Variants in NUP205 observed in about 807,000 individuals in gnomAD.
NUP205 encodes the protein nuclear pore complex protein Nup205.
NUP205 carries 76 observed loss-of-function variants against 253.8 expected under a neutral mutation model. That is an observed-to-expected ratio of 0.30 (90% CI 0.25 to 0.36). The LOEUF (loss-of-function observed/expected upper bound fraction) is 0.36. Among genes scored for constraint, NUP205 ranks in the 10% least tolerant of loss-of-function variants. The pLI is 1.00. For missense variants in NUP205, 2,162 were observed against 2,425.5 expected, an observed-to-expected ratio of 0.89 and a Z score of 2.28; for synonymous variants, 832 against 850.1, an observed-to-expected ratio of 0.98 and a Z score of 0.37.
intron 30 of NUP205, among the ~76,000 whole-genome samples, chr7:135,622,049 C>T (rs1024001801): frequency 4.0e-5 from 6 of 151,738 alleles, no homozygotes; most frequent in African/African-American, 9.7e-5. Flanking sequence ...AGTGATCCAC[C>T]GCCTCGGCCT....
At chr7:135,567,254 A>AGT (rs1481042012) in intron 1 of NUP205, among the ~76,000 whole-genome samples, 6 of 141,358 alleles carry the variant, frequency 4.2e-5, no homozygotes, top group African/African-American at 7.9e-5. Flanking sequence ...CCACTGGTTT[A>AGT]GTCCGTCCTC....
Position 135,604,197 on chromosome 7 carries a change from A to G in NUP205, c.2703-143A>G, listed in dbSNP as rs935157765. 4.8e-5 allele frequency: 29 copies of G among 608,010 alleles called. 1 individual carries two copies. Among genetic ancestry groups the G allele is most frequent in the South Asian group, 1.9e-4 (9 of 47,158 alleles). 37.7% of individuals were successfully genotyped at this position (608,010 alleles called of 1,614,324 possible). On this transcript the variant is annotated intron_variant, in intron 18 of 42. Transcript: ENST00000285968. Reference sequence around the variant, plus strand: ...ATTCAACCCCTAACAGACTGCATCTATTTAGAAGGGGACAGCTTTTTCTTA... The same window carrying G: ...ATTCAACCCCTAACAGACTGCATCTGTTTAGAAGGGGACAGCTTTTTCTTA...
intron 12 of NUP205, among the ~76,000 whole-genome samples, chr7:135,594,162 T>C (rs997241387): frequency 6.6e-6 from 1 of 152,222 alleles, no homozygotes; most frequent in Non-Finnish European, 1.5e-5. Flanking sequence ...TCTATATTTT[T>C]TTTTGAGAAA....
intron 1 of NUP205, 112 bp downstream of exon 1, chr7:135,558,084 T>C: frequency 1.1e-6 from 1 of 896,994 alleles, no homozygotes. Context: ...GTGCGGTGCC[T>C]GCTTTTCCCT....
In NUP205 at chr7:135,617,178, C is replaced by T. The variant is rs779622987; in HGVS notation, c.3621C>T (p.Ala1207=). ...TGCAGTTGGATTTTTTTGATCGGGCCCAGATTGAACAAGTTATTGCTAACT... is the reference window on the plus strand; with the variant it reads ...TGCAGTTGGATTTTTTTGATCGGGCTCAGATTGAACAAGTTATTGCTAACT... ...EPLQLDFFDR[A]QIEQVIANCE... The change falls in exon 26 of 43, where the codon GCC becomes GCT. Residue 1207 remains alanine (A), a synonymous_variant. Coordinates refer to ENST00000285968, the MANE Select transcript of NUP205 (RefSeq NM_015135.3). 3.1e-6 allele frequency: 5 copies of T among 1,613,560 alleles called. No individual in the cohort carries two copies. Among genetic ancestry groups the T allele is most frequent in the Non-Finnish European group, 4.2e-6 (5 of 1,179,782 alleles).
intron 14 of NUP205, chr7:135,597,737 C>T (rs1793876141): frequency 2.2e-6 from 1 of 457,214 alleles, no homozygotes. Context: ...TCTAATTCTC[C>T]CTCTCTTTTA....
chr7:135,591,706 G>A (rs954060578), intron 11 of NUP205, 106 bp downstream of exon 11: 10 of 964,252 alleles, frequency 1.0e-5, no homozygotes, highest in Non-Finnish European at 1.5e-5. Context: ...TCTACCAGAG[G>A]TATAAATTAT....
chr7:135,567,826 C>T (rs1394643036), intron 1 of NUP205, among the ~76,000 whole-genome samples: 3 of 152,056 alleles, frequency 2.0e-5, no homozygotes, highest in Admixed American at 6.6e-5. Flanking sequence ...TGGTTTTGAC[C>T]AGTTTTTCCT....
chr7:135,645,119 A>T, intron 40 of NUP205, 101 bp downstream of exon 40: 1 of 1,383,710 alleles, frequency 7.2e-7, no homozygotes, highest in South Asian at 1.3e-5. Flanking sequence ...GTGGAAGGAG[A>T]TAAACTTAAT....
At chr7:135,579,486 C>T (rs1243594321) in intron 7 of NUP205, among the ~76,000 whole-genome samples, 2 of 152,156 alleles carry the variant, frequency 1.3e-5, no homozygotes, top group Middle Eastern at 3.4e-3. Context: ...TGAGCCACCC[C>T]GTCCGGCCTT....
At position 135,635,622 on chromosome 7, in the gene NUP205, C is replaced by T. The variant is rs1225368291; in HGVS notation, c.5101C>T (p.Leu1701=). The T allele has an allele frequency of 3.8e-6, 6 of 1,594,998 alleles. No individual in the cohort carries two copies. The highest frequency in any genetic ancestry group is 5.2e-6 in the Non-Finnish European group (6 of 1,164,944). The change falls in exon 36 of 43, where the codon CTA becomes TTA. Residue 1701 remains leucine, a synonymous_variant. Coordinates refer to ENST00000285968, the MANE Select transcript of NUP205 (RefSeq NM_015135.3). The part of the protein sequence containing the change: ...ELDVDVNEGS[L]MELQGHIGRF... ...TGACGTTGATGTAAATGAAGGGTCTCTAATGGAGCTACAGGGACATATTGG... is the reference window on the plus strand; with the variant it reads ...TGACGTTGATGTAAATGAAGGGTCTTTAATGGAGCTACAGGGACATATTGG...
At chr7:135,596,795 C>CA (rs367765752) in intron 13 of NUP205, among the ~76,000 whole-genome samples, 15,063 of 141,486 alleles carry the variant, frequency 0.11, 797 homozygotes, top group Non-Finnish European at 0.14. Flanking sequence ...ACTAAAAATA[C>CA]AAAAAAAAAA....
At position 135,616,727 on chromosome 7, in the gene NUP205, G is replaced by A; in HGVS notation, c.3532+1G>A. 6.6e-7 allele frequency: 1 copy of A among 1,509,086 alleles called. No homozygotes were observed. Among genetic ancestry groups the A allele is most frequent in the Non-Finnish European group, 8.9e-7 (1 of 1,127,260 alleles). The allele number at this position is 1,509,086 out of a possible 1,614,324, so 93.5% of individuals were successfully genotyped here. On this transcript the variant is annotated splice_donor_variant, in intron 25 of 42. Transcript: ENST00000285968. LOFTEE classifies it high-confidence loss of function. ...CTTCACTTTGACACTGCTACAAAAGGTAATGCCCTTTGAATTTGTAATAAA... is the reference window on the plus strand; with the variant it reads ...CTTCACTTTGACACTGCTACAAAAGATAATGCCCTTTGAATTTGTAATAAA...
chr7:135,558,062 G>C (rs1384986298), intron 1 of NUP205, 90 bp downstream of exon 1: 4 of 1,125,766 alleles, frequency 3.6e-6, no homozygotes, highest in Non-Finnish European at 4.1e-6. Context: ...CGGAGTCTAG[G>C]ACCCCACTTA....
chr7:135,597,841 A>C (rs1793877904), intron 14 of NUP205, 157 bp from the exon 15 acceptor site: 3 of 638,662 alleles, frequency 4.7e-6, no homozygotes. Flanking sequence ...GGATTCATAT[A>C]ATACTTTTTT....
In NUP205 at chr7:135,559,330, G is replaced by T. The variant is rs140091473; in HGVS notation, c.28+1358G>T. Among the ~76,000 whole-genome samples the T allele has an allele frequency of 2.0e-3, 308 of 152,194 alleles. 1 individual carries two copies. The highest frequency in any genetic ancestry group is 7.1e-3 in the African/African-American group (293 of 41,534). ...CCCAATTAGATATGCTTAACGTGTGGTTGTATATAATACATTTCTCTATTT... is the reference window on the plus strand; with the variant it reads ...CCCAATTAGATATGCTTAACGTGTGTTTGTATATAATACATTTCTCTATTT... On this transcript the variant is annotated intron_variant, in intron 1 of 42. Transcript: ENST00000285968.
rs1269910363 is a variant in NUP205, at chr7:135,602,866, A to G, written c.2574A>G (p.Gln858=). ...TTGCACTTCTCAATCTTACTCTGCA[A>G]AAGGAAAATCTTTTTATGGACCTTC... ...HCLALLNLTL[Q]KENLFMDLLR... The change falls in exon 18 of 43, where the codon CAA becomes CAG. Residue 858 remains glutamine (Q), a synonymous_variant. Coordinates refer to ENST00000285968, the MANE Select transcript of NUP205 (RefSeq NM_015135.3). 4 of 1,613,948 alleles carry G rather than the reference A, an allele frequency of 2.5e-6. No individual in the cohort carries two copies. Among genetic ancestry groups the G allele is most frequent in the Non-Finnish European group, 3.4e-6 (4 of 1,179,962 alleles).
chr7:135,628,737 T>C (rs1162119120), intron 34 of NUP205, among the ~76,000 whole-genome samples: 2 of 152,252 alleles, frequency 1.3e-5, no homozygotes, highest in Non-Finnish European at 2.9e-5. Context: ...TTGTATTGCT[T>C]TATTGTATTT....
At chr7:135,601,651 A>G in intron 17 of NUP205, 144 bp downstream of exon 17, 2 of 850,056 alleles carry the variant, frequency 2.4e-6, no homozygotes, top group Non-Finnish European at 3.6e-6. Context: ...TTTTCAGTGA[A>G]TCATTTAAAT....
Sources: gnomAD v4.1 joint callset for allele counts (sites outside exome capture counted in the v4.1 genomes callset) on GRCh38, gnomAD v4.1.1 for gene constraint, MANE v1.5 for transcripts, NCBI Gene and HGNC (gene_info 2026-07-23, HGNC 2026-07-21) for gene names.